The following MASP1 variants were observed in gnomAD, a reference collection of about 807,000 sequenced individuals.
MASP1 encodes mannan-binding lectin serine protease 1.
In MASP1, 59 loss-of-function variants were observed where a neutral mutation model predicts 77.1. The observed-to-expected ratio is 0.77, with a 90% confidence interval of 0.62 to 0.95. MASP1 has a LOEUF of 0.95. Ranked by LOEUF, MASP1 falls within the 40% of genes least tolerant of loss-of-function variation. The pLI, the probability that MASP1 is intolerant of heterozygous loss-of-function variation, is 0.00. For missense variants in MASP1, 885 were observed against 912.9 expected, an observed-to-expected ratio of 0.97 and a Z score of 0.39; for synonymous variants, 362 against 354.5, an observed-to-expected ratio of 1.02 and a Z score of -0.24.
intron 1 of MASP1, 104 bp downstream of exon 1, chr3:187,291,524 G>A (rs1321184641): frequency 8.2e-6 from 12 of 1,460,100 alleles, no homozygotes; most frequent in Non-Finnish European, 1.2e-5. Flanking sequence ...ACTACCACAT[G>A]CAGGACACGC....
At chr3:187,263,717 A>G (rs1579544847) in intron 2 of MASP1, among the ~76,000 whole-genome samples, 1 of 152,214 alleles carries the variant, frequency 6.6e-6, no homozygotes, top group African/African-American at 2.4e-5. Flanking sequence ...TGCAAAAAAC[A>G]TGCCTGTTTG....
chr3:187,244,975 A>C lies in MASP1; in HGVS notation c.1091-1354T>G, dbSNP rs1213176683. On this transcript the variant is annotated intron_variant, in intron 8 of 10. Coordinates refer to ENST00000296280, the MANE Select transcript of MASP1 (RefSeq NM_139125.4). The stretch of plus-strand genomic sequence containing the variant: ...GTCCACTCAAAATGCAAATAATTTC[A>C]AGTCCCTCCGGGTTGGAGGAAAAGA... 3 of 152,212 alleles carry C rather than the reference A, an allele frequency of 2.0e-5. No individual in the cohort carries two copies. In the East Asian group the frequency reaches 5.8e-4, roughly 29 times the overall value. The allele number at this position is 152,212 out of a possible 1,614,324, so 9.4% of individuals were successfully genotyped here.
In MASP1 at chr3:187,251,626, C is replaced by T. The variant is rs1714606491; in HGVS notation, c.1011+8G>A. Reference sequence around the variant, plus strand: ...GGTCACTCCCCTTTCCCAGGCAAGGCTCTGCACCTTCAGCACTTTGTAGCC... The same window carrying T: ...GGTCACTCCCCTTTCCCAGGCAAGGTTCTGCACCTTCAGCACTTTGTAGCC... On this transcript the variant is annotated splice_region_variant and intron_variant, in intron 7 of 10. Transcript: ENST00000296280. 16 of 1,612,230 alleles carry T rather than the reference C, an allele frequency of 9.9e-6. No homozygotes were observed. Among genetic ancestry groups the T allele is most frequent in the Non-Finnish European group, 1.2e-5 (14 of 1,178,358 alleles).
intron 2 of MASP1, among the ~76,000 whole-genome samples, chr3:187,275,591 T>G (rs1716898350): frequency 6.6e-6 from 1 of 152,222 alleles, no homozygotes; most frequent in Non-Finnish European, 1.5e-5. Flanking sequence ...CCAGCCATCA[T>G]CAAGTTTCAT....
intron 5 of MASP1, 87 bp downstream of exon 5, chr3:187,256,577 A>G: frequency 8.0e-7 from 1 of 1,246,302 alleles, no homozygotes; most frequent in Non-Finnish European, 1.2e-6. Context: ...TCCTGGGAGA[A>G]GAAGGTGAAG....
intron 8 of MASP1, 83 bp from the exon 9 acceptor site, chr3:187,243,704 T>C (rs1297547814): frequency 2.7e-5 from 41 of 1,511,976 alleles, no homozygotes; most frequent in Non-Finnish European, 3.3e-5. Context: ...CATGCAGATG[T>C]ACAGGTTGTG....
At chr3:187,251,843 T>C in intron 6 of MASP1, 91 bp from the exon 7 acceptor site, 1 of 972,792 alleles carries the variant, frequency 1.0e-6, no homozygotes, top group Non-Finnish European at 1.7e-6. Context: ...CTGATGAAGG[T>C]GAATAAAACA....
Position 187,236,018 on chromosome 3 carries a change from T to C in MASP1, c.1853A>G (p.Gln618Arg). The change falls in exon 11 of 11, where the codon CAG (glutamine) becomes CGG (arginine). Residue 618 changes from glutamine (Q) to arginine (R), a missense_variant. Gln to Arg is a conservative substitution (Grantham distance 43). Coordinates refer to ENST00000296280, the MANE Select transcript of MASP1 (RefSeq NM_139125.4). Reference protein sequence around the residue: ...SGTRTLSDVLQYVKLPVVPHA... With the variant: ...SGTRTLSDVLRYVKLPVVPHA... ...AGGCACCACGGGTAACTTGACATAC[T>C]GCAGGACATCTGACAAGGTCCGTGT... The C allele has an allele frequency of 1.2e-6, 2 of 1,614,240 alleles. No individual in the cohort carries two copies. Among genetic ancestry groups the C allele is most frequent in the Non-Finnish European group, 1.7e-6 (2 of 1,180,050 alleles).
At chr3:187,247,451 A>C (rs1456974693) in intron 8 of MASP1, 3 of 1,565,576 alleles carry the variant, frequency 1.9e-6, no homozygotes, top group Non-Finnish European at 2.6e-6. Context: ...AGAGAGGAAG[A>C]GAAAGAGAGA....
At chr3:187,246,652 C>G in intron 8 of MASP1, 1 of 988,028 alleles carries the variant, frequency 1.0e-6, no homozygotes, top group South Asian at 4.7e-5. Flanking sequence ...AGAGCTGGGA[C>G]CACTGCTTTC....
intron 8 of MASP1, among the ~76,000 whole-genome samples, chr3:187,245,993 T>C (rs1268612312): frequency 6.6e-6 from 1 of 152,188 alleles, no homozygotes; most frequent in African/African-American, 2.4e-5. Context: ...GCCCCCTCCC[T>C]GGCCTCATCT....
chr3:187,227,688 C>A (rs1712516720), intron 11 of MASP1, among the ~76,000 whole-genome samples: 1 of 152,180 alleles, frequency 6.6e-6, no homozygotes, highest in South Asian at 2.1e-4. Flanking sequence ...TGCCCTGGGG[C>A]ATTTTTTGAT....
downstream of MASP1, among the ~76,000 whole-genome samples, chr3:187,229,115 ATCT>A (rs1362130379): frequency 6.6e-6 from 1 of 152,204 alleles, no homozygotes; most frequent in Non-Finnish European, 1.5e-5. Flanking sequence ...ACTGGAATAG[ATCT>A]TAGATTGCCT....
chr3:187,275,510 C>T (rs1373439426), intron 2 of MASP1, among the ~76,000 whole-genome samples: 1 of 152,096 alleles, frequency 6.6e-6, no homozygotes, highest in Non-Finnish European at 1.5e-5. Context: ...TGTGCTGGAG[C>T]CGGCAGCTCA....
At chr3:187,281,984 T>G (rs698079) in intron 2 of MASP1, among the ~76,000 whole-genome samples, 116,021 of 152,054 alleles carry the variant, frequency 0.76, 45,658 homozygotes, top group East Asian at 0.89. Flanking sequence ...ACTCAGTGTG[T>G]AAGACTTCTG....
At chr3:187,232,707 AACCTCAGTACCTCAGT>A (rs1323092429), downstream of MASP1, among the ~76,000 whole-genome samples, 1 of 152,300 alleles carries the variant, frequency 6.6e-6, no homozygotes, top group South Asian at 2.1e-4. Flanking sequence ...AATATGTCAC[AACCTCAGTACCTCAGT>A]ACCTCAATAC....
chr3:187,265,709 A>T (rs1356013465), intron 2 of MASP1, among the ~76,000 whole-genome samples: 2 of 152,218 alleles, frequency 1.3e-5, no homozygotes, highest in Non-Finnish European at 2.9e-5. Flanking sequence ...GAGAGATAAC[A>T]TGAACATTTT....
chr3:187,286,349 TG>T (rs1302758552), intron 1 of MASP1, among the ~76,000 whole-genome samples: 3 of 152,242 alleles, frequency 2.0e-5, no homozygotes, highest in Non-Finnish European at 2.9e-5. Flanking sequence ...CTGTTGAAAA[TG>T]TAATTTTCAT....
downstream of MASP1, among the ~76,000 whole-genome samples, chr3:187,232,388 A>C (rs1369981328): frequency 6.6e-6 from 1 of 152,052 alleles, no homozygotes; most frequent in Non-Finnish European, 1.5e-5. Context: ...ATGAACTTCA[A>C]ATCAGTGTCT....
Sources: gnomAD v4.1 joint callset for allele counts (sites outside exome capture counted in the v4.1 genomes callset) on GRCh38, gnomAD v4.1.1 for gene constraint, MANE v1.5 for transcripts, NCBI Gene and HGNC (gene_info 2026-07-23, HGNC 2026-07-21) for gene names.